MTSS1: variants seen among roughly 807,000 people sequenced by gnomAD.
The protein encoded by MTSS1 is protein MTSS 1.
Under a neutral mutation model 79.0 loss-of-function variants are expected in MTSS1, and 18 were observed. The ratio of observed to expected loss-of-function variants is 0.23; its 90% CI spans 0.16 to 0.34. MTSS1 has a LOEUF of 0.34. MTSS1 is among the 10% of genes least tolerant of loss of function. The pLI is 1.00. For synonymous variants in MTSS1, 341 were observed against 368.6 expected (o/e 0.93, Z 0.86); for missense variants, 815 against 986.2 (o/e 0.83, Z 2.33).
At chr8:124,577,647 C>T (rs1041819188) in intron 6 of MTSS1, 1 of 518,482 alleles carries the variant, frequency 1.9e-6, no homozygotes, top group African/African-American at 1.9e-5. Flanking sequence ...CTGCTTCCAC[C>T]CAGACAGAAG....
intron 3 of MTSS1, among the ~76,000 whole-genome samples, chr8:124,686,369 T>G (rs35566676): frequency 0.052 from 7,945 of 152,282 alleles, 249 homozygotes; most frequent in East Asian, 0.068. Flanking sequence ...CTCTGGGAAA[T>G]GACCTTTTGG....
intron 2 of MTSS1, among the ~76,000 whole-genome samples, chr8:124,703,608 T>TC (rs1830006774): frequency 6.6e-6 from 1 of 152,028 alleles, no homozygotes; most frequent in African/African-American, 2.4e-5. Context: ...GGTTTTAAAC[T>TC]CTATTTGTGG....
At chr8:124,629,110 C>T (rs1236569925) in intron 3 of MTSS1, among the ~76,000 whole-genome samples, 2 of 152,210 alleles carry the variant, frequency 1.3e-5, no homozygotes, top group Non-Finnish European at 2.9e-5. Context: ...CATCTTCATT[C>T]TTTCAACAGC....
chr8:124,681,946 C>T (rs1181226477), intron 3 of MTSS1, among the ~76,000 whole-genome samples: 4 of 152,198 alleles, frequency 2.6e-5, no homozygotes, highest in African/African-American at 9.7e-5. Context: ...ATGAACCAGG[C>T]ACTGAAAGCT....
chr8:124,644,540 C>T (rs1014759555), intron 3 of MTSS1, among the ~76,000 whole-genome samples: 3 of 152,216 alleles, frequency 2.0e-5, no homozygotes, highest in Non-Finnish European at 4.4e-5. Flanking sequence ...CATAATTAAT[C>T]TTTTCACCAA....
intron 3 of MTSS1, among the ~76,000 whole-genome samples, chr8:124,605,630 C>CCT (rs879789323): frequency 0.039 from 5,518 of 142,180 alleles, 231 homozygotes; most frequent in South Asian, 0.089. Flanking sequence ...CCCTCCCTGC[C>CCT]CTCGCGCTGG....
intron 6 of MTSS1, among the ~76,000 whole-genome samples, chr8:124,571,362 G>A (rs571048575): frequency 1.3e-4 from 20 of 152,326 alleles, no homozygotes; most frequent in Admixed American, 9.8e-4. Flanking sequence ...TATGATACGA[G>A]TCCACCAGCA....
In MTSS1 at chr8:124,591,234, A is replaced by C. The variant is rs753399635; in HGVS notation, c.210T>G (p.Gly70=). The C allele has an allele frequency of 1.9e-5, 31 of 1,613,984 alleles. No individual in the cohort carries two copies. The highest frequency in any genetic ancestry group is 2.4e-5 in the Non-Finnish European group (28 of 1,179,954). Residue 70 remains glycine (G), a splice_region_variant and synonymous_variant, in exon 4 of 14, where the codon GGT becomes GGG. Transcript: ENST00000518547. The stretch of plus-strand genomic sequence containing the variant: ...GAGCAGATCCAATCTCCCTGGTCCC[A>C]CCTGAAAAAGCAACAGAGGCAAAGG... ...KVADMATNTR[G]GTREIGSALT...
chr8:124,575,458 C>T (rs1306675035), intron 6 of MTSS1, among the ~76,000 whole-genome samples: 6 of 152,196 alleles, frequency 3.9e-5, no homozygotes, highest in African/African-American at 1.4e-4. Flanking sequence ...ACGCCCGGCA[C>T]GTGCTGAGCA....
At chr8:124,723,655 T>G (rs537419720) in intron 1 of MTSS1, among the ~76,000 whole-genome samples, 107 of 152,366 alleles carry the variant, frequency 7.0e-4, no homozygotes, top group African/African-American at 2.4e-3. Context: ...AGGCAGTTCC[T>G]GCTGTCGATT....
At chr8:124,567,676 G>C in intron 7 of MTSS1, 8 of 1,449,424 alleles carry the variant, frequency 5.5e-6, no homozygotes, top group Non-Finnish European at 5.4e-6. Context: ...TAAGACAGGA[G>C]CTGGGGACCA....
intron 6 of MTSS1, among the ~76,000 whole-genome samples, chr8:124,573,580 T>C (rs1157245370): frequency 1.3e-5 from 2 of 152,216 alleles, no homozygotes; most frequent in Admixed American, 1.3e-4. Flanking sequence ...TATTTGTAAA[T>C]GAATCAAGCA....
rs1346539644 is a variant in MTSS1 at position 124,633,386 on chromosome 8, T to C, written c.209-42151A>G. Reference sequence around the variant, plus strand: ...CAAACTCTCCTGATCACATATAGTATTGAGTGGCTTTGTCACTTGCCTTAG... The same window carrying C: ...CAAACTCTCCTGATCACATATAGTACTGAGTGGCTTTGTCACTTGCCTTAG... On this transcript the variant is annotated intron_variant, in intron 3 of 13. Transcript: ENST00000518547. Among the ~76,000 whole-genome samples the C allele has an allele frequency of 3.3e-5, 5 of 152,192 alleles. No individual in the cohort carries two copies. In the East Asian group the frequency reaches 9.6e-4, roughly 29 times the overall value.
rs546694063 is a variant in MTSS1 at position 124,718,967 on chromosome 8, T to C, written c.72+8917A>G. Among the ~76,000 whole-genome samples the C allele has an allele frequency of 3.9e-5, 6 of 152,272 alleles. No homozygotes were observed. In the East Asian group the frequency reaches 1.2e-3, roughly 29 times the overall value. ...CTTCTGGAAGAAACTCAGAGGTGAGTCTAGATTTTTGTGTGTTCTTATCTG... is the reference window on the plus strand; with the variant it reads ...CTTCTGGAAGAAACTCAGAGGTGAGCCTAGATTTTTGTGTGTTCTTATCTG... On this transcript the variant is annotated intron_variant, in intron 1 of 13. Transcript: ENST00000518547.
chr8:124,715,074 C>G (rs1831735111), intron 1 of MTSS1, among the ~76,000 whole-genome samples: 1 of 152,220 alleles, frequency 6.6e-6, no homozygotes, highest in Non-Finnish European at 1.5e-5. Flanking sequence ...GTTAGACCTT[C>G]TAAGCGTGAC....
intron 10 of MTSS1, chr8:124,558,706 C>T (rs751101084): frequency 1.1e-5 from 17 of 1,540,194 alleles, no homozygotes; most frequent in East Asian, 2.4e-5. Context: ...GCCACCCGGG[C>T]GGTCACCTTC....
chr8:124,555,605 T>TC (rs1442488677), intron 13 of MTSS1, 137 bp downstream of exon 13: 1 of 1,127,076 alleles, frequency 8.9e-7, no homozygotes, highest in Non-Finnish European at 1.2e-6. Flanking sequence ...CCCAAAGCAT[T>TC]CCCAGATGAC....
intron 3 of MTSS1, among the ~76,000 whole-genome samples, chr8:124,638,848 T>C (rs1365555943): frequency 6.6e-6 from 1 of 152,186 alleles, no homozygotes; most frequent in African/African-American, 2.4e-5. Context: ...ATTATCACTA[T>C]CATGTTACAA....
chr8:124,700,727 C>T (rs1174178258), intron 2 of MTSS1, among the ~76,000 whole-genome samples: 1 of 152,140 alleles, frequency 6.6e-6, no homozygotes, highest in East Asian at 1.9e-4. Context: ...AGGCATCATT[C>T]AGCGTAGTCA....
Sources: allele counts gnomAD v4.1 joint callset (sites outside exome capture counted in the v4.1 genomes callset), GRCh38; gene constraint gnomAD v4.1.1; transcripts MANE v1.5; gene names NCBI Gene and HGNC (gene_info 2026-07-23, HGNC 2026-07-21).